Variants in CPLANE1 observed in about 807,000 individuals in gnomAD.
CPLANE1 encodes ciliogenesis and planar polarity effector complex subunit 1, also known as ciliogenesis and planar polarity effector 1.
A neutral mutation model predicts 362.5 loss-of-function variants in CPLANE1; 263 were observed. The ratio of observed to expected loss-of-function variants is 0.73; its 90% CI spans 0.66 to 0.80. The LOEUF is 0.80. Among genes scored for constraint, CPLANE1 ranks in the 30% least tolerant of loss-of-function variants. The pLI is 0.00. For synonymous variants in CPLANE1, 1,212 were observed against 1,302.6 expected, an observed-to-expected ratio of 0.93 and a Z score of 1.50; for missense variants, 3,461 against 3,793.4, an observed-to-expected ratio of 0.91 and a Z score of 2.30.
chr5:37,120,432 C>T, intron 49 of CPLANE1, 92 bp from the exon 50 acceptor site: 1 of 1,132,372 alleles, frequency 8.8e-7, no homozygotes, highest in Non-Finnish European at 1.2e-6. Context: ...AAGCTGGGCA[C>T]AGTAGTGCAA....
At chr5:37,215,730 TTC>T in intron 15 of CPLANE1, among the ~76,000 whole-genome samples, 1 of 149,450 alleles carries the variant, frequency 6.7e-6, no homozygotes, top group East Asian at 2.0e-4. Flanking sequence ...CCGTTTTTCC[TTC>T]TCTTTCCTTT....
intron 46 of CPLANE1, among the ~76,000 whole-genome samples, chr5:37,127,121 G>A (rs1764356218): frequency 6.6e-6 from 1 of 152,134 alleles, no homozygotes; most frequent in Admixed American, 6.5e-5. Flanking sequence ...CGACCCCACT[G>A]GGAAAAGACT....
At chr5:37,117,389 G>C (rs1412226587) in intron 50 of CPLANE1, among the ~76,000 whole-genome samples, 1 of 150,452 alleles carries the variant, frequency 6.6e-6, no homozygotes, top group Non-Finnish European at 1.5e-5. Context: ...GTGGTTAAGG[G>C]TTCAAAGGAC....
chr5:37,193,310 T>C (rs1786200967), intron 21 of CPLANE1, among the ~76,000 whole-genome samples: 1 of 152,190 alleles, frequency 6.6e-6, no homozygotes, highest in East Asian at 1.9e-4. Flanking sequence ...CGAGTGCTTA[T>C]ACATCTCTAC....
At chr5:37,214,531 G>C (rs1433755454) in intron 15 of CPLANE1, among the ~76,000 whole-genome samples, 1 of 152,174 alleles carries the variant, frequency 6.6e-6, no homozygotes, top group Non-Finnish European at 1.5e-5. Flanking sequence ...ATATGGCACT[G>C]TTCACAGTCA....
intron 16 of CPLANE1, among the ~76,000 whole-genome samples, chr5:37,206,828 T>C (rs1415959429): frequency 6.6e-6 from 1 of 152,068 alleles, no homozygotes; most frequent in Non-Finnish European, 1.5e-5. Flanking sequence ...TGGGTCACAA[T>C]GTGCAATTTA....
At chr5:37,174,874 A>C (rs1780735292) in intron 31 of CPLANE1, among the ~76,000 whole-genome samples, 1 of 152,244 alleles carries the variant, frequency 6.6e-6, no homozygotes, top group Non-Finnish European at 1.5e-5. Flanking sequence ...CTTTTCTGCC[A>C]AAGTGAAAGC....
chr5:37,230,677 A>C (rs576929186), intron 9 of CPLANE1, among the ~76,000 whole-genome samples, 190 bp downstream of exon 9: 5 of 152,276 alleles, frequency 3.3e-5, no homozygotes, highest in African/African-American at 1.2e-4. Context: ...CACAATGTCA[A>C]ATTTTCACCA....
chr5:37,163,225 T>A (rs1777339346), intron 37 of CPLANE1, among the ~76,000 whole-genome samples: 1 of 152,038 alleles, frequency 6.6e-6, no homozygotes, highest in Non-Finnish European at 1.5e-5. Flanking sequence ...TGGTGAGGGA[T>A]GGGGAAACAG....
intron 43 of CPLANE1, 117 bp downstream of exon 43, chr5:37,148,064 T>C (rs1772270702): frequency 5.9e-6 from 3 of 508,106 alleles, no homozygotes; most frequent in South Asian, 5.9e-5. Context: ...GGGAAGCTTA[T>C]GACTTCAGCT....
In CPLANE1 at chr5:37,107,024, A is replaced by G; in HGVS notation, c.*578T>C. On this transcript the variant is annotated 3_prime_UTR_variant, in exon 53 of 53. Coordinates refer to ENST00000651892, the MANE Select transcript of CPLANE1 (RefSeq NM_001384732.1). ...TTCCTGTTTCTTCCTCCAAGGCTTC[A>G]GGCTACAGGGCAGAAGACAGAAGAT... is the stretch of plus-strand genomic sequence containing the variant. 1 of 985,420 alleles carries G rather than the reference A, an allele frequency of 1.0e-6. No individual in the cohort carries two copies. The highest frequency in any genetic ancestry group is 1.2e-6 in the Non-Finnish European group (1 of 829,920). The allele number at this position is 985,420 out of a possible 1,614,324, so 61.0% of individuals were successfully genotyped here.
At chr5:37,166,977 G>T in intron 35 of CPLANE1, 70 bp downstream of exon 35, 2 of 1,255,810 alleles carry the variant, frequency 1.6e-6, no homozygotes, top group Non-Finnish European at 2.3e-6. Context: ...CCAGATTACT[G>T]TGTGATTATA....
chr5:37,161,183 T>C (rs1038326078), intron 38 of CPLANE1, among the ~76,000 whole-genome samples: 2 of 152,162 alleles, frequency 1.3e-5, no homozygotes, highest in African/African-American at 4.8e-5. Context: ...GCCATACATA[T>C]AAATCAAAGT....
chr5:37,114,095 G>A (rs1376043974), intron 51 of CPLANE1, among the ~76,000 whole-genome samples: 2 of 152,186 alleles, frequency 1.3e-5, no homozygotes, highest in East Asian at 3.8e-4. Context: ...ATAGGTGTGA[G>A]CCACCGCGCC....
At chr5:37,132,099 A>G (rs932103352) in intron 46 of CPLANE1, among the ~76,000 whole-genome samples, 3 of 152,208 alleles carry the variant, frequency 2.0e-5, no homozygotes, top group Admixed American at 2.0e-4. Context: ...AAGGTTATAT[A>G]TAATACAGCA....
chr5:37,207,095 G>A (rs1790976375), intron 16 of CPLANE1, among the ~76,000 whole-genome samples: 1 of 152,178 alleles, frequency 6.6e-6, no homozygotes, highest in Non-Finnish European at 1.5e-5. Context: ...GGATAATATC[G>A]TTCCCCCTGG....
At chr5:37,116,655 G>A (rs1761097641) in intron 50 of CPLANE1, among the ~76,000 whole-genome samples, 1 of 151,926 alleles carries the variant, frequency 6.6e-6, no homozygotes, top group Admixed American at 6.6e-5. Flanking sequence ...TGGAAGCAGG[G>A]CTGAAGAAAT....
chr5:37,157,735 G>T lies in CPLANE1; in HGVS notation c.7946C>A (p.Ala2649Glu). Residue 2649 changes from alanine to glutamate, a missense_variant, in exon 40 of 53, where the codon GCA (alanine) becomes GAA (glutamate). By Grantham distance (107) the Ala-to-Glu change is moderately radical (BLOSUM62 -1). Around this residue, in one of 2 missense-constraint regions of CPLANE1, gnomAD observed 3,380 missense variants for 3,666.1 expected, o/e 0.92. Coordinates refer to ENST00000651892, the MANE Select transcript of CPLANE1 (RefSeq NM_001384732.1). The stretch of plus-strand genomic sequence containing the variant: ...TGAAGCTGCCATATAATGTAACTCT[G>T]CAGACGATGGAACTGCTAGATGATC... ...QSDHLAVPSS[A>E]ELHYMAASVT... is the part of the protein sequence containing the mutation. The T allele has an allele frequency of 6.2e-7, 1 of 1,613,876 alleles. No homozygotes were observed. Among genetic ancestry groups the T allele is most frequent in the Non-Finnish European group, 8.5e-7 (1 of 1,179,876 alleles).
chr5:37,115,524 T>C (rs1579817994), intron 50 of CPLANE1, among the ~76,000 whole-genome samples: 1 of 151,994 alleles, frequency 6.6e-6, no homozygotes, highest in East Asian at 1.9e-4. Context: ...ATAACTTATC[T>C]GAGGGCAAAA....
Sources: allele counts gnomAD v4.1 joint callset (sites outside exome capture counted in the v4.1 genomes callset), GRCh38; gene constraint gnomAD v4.1.1; regional missense constraint gnomAD v4.1.1; transcripts MANE v1.5; gene names NCBI Gene and HGNC (gene_info 2026-07-23, HGNC 2026-07-21).